EBF1: variants seen among roughly 807,000 people sequenced by gnomAD.
The protein encoded by EBF1 is transcription factor COE1.
A neutral mutation model predicts 68.4 loss-of-function variants in EBF1; 10 were observed. The ratio of observed to expected loss-of-function variants is 0.15; its 90% CI spans 0.09 to 0.25. The LOEUF (loss-of-function observed/expected upper bound fraction) is 0.25, where lower values mean the gene tolerates loss of function less well. Among genes scored for constraint, EBF1 ranks in the 10% least tolerant of loss-of-function variants. EBF1 has a pLI of 1.00. For missense variants in EBF1, 509 were observed against 794.4 expected (o/e 0.64, Z 4.32); for synonymous variants, 298 against 299.8 (o/e 0.99, Z 0.06).
intron 6 of EBF1, among the ~76,000 whole-genome samples, chr5:158,963,473 G>A (rs974587388): frequency 1.3e-5 from 2 of 152,112 alleles, no homozygotes; most frequent in African/African-American, 4.8e-5. Context: ...CATGACAAAG[G>A]CTTCTCCCTC....
Position 158,837,833 on chromosome 5 carries a change from A to G in EBF1, c.636+2196T>C, listed in dbSNP as rs182058416. On this transcript the variant is annotated intron_variant, in intron 7 of 15. Coordinates refer to ENST00000313708, the MANE Select transcript of EBF1 (RefSeq NM_024007.5). ...GAGGTACAGCAGAGTTAATCCTGGT[A>G]TACATTAGGCATTAGACATGTTTAT... Among the ~76,000 whole-genome samples, 212 of 152,308 alleles carry G rather than the reference A, an allele frequency of 1.4e-3. 1 individual carries two copies. The highest frequency in any genetic ancestry group is 4.6e-3 in the African/African-American group (193 of 41,564).
At chr5:158,987,944 G>T (rs1759432482) in intron 6 of EBF1, among the ~76,000 whole-genome samples, 1 of 152,162 alleles carries the variant, frequency 6.6e-6, no homozygotes, top group Admixed American at 6.5e-5. Context: ...ATTGGGAATG[G>T]CATCCCCCCG....
At chr5:158,900,408 G>A (rs1472837541) in intron 6 of EBF1, among the ~76,000 whole-genome samples, 1 of 152,208 alleles carries the variant, frequency 6.6e-6, no homozygotes, top group African/African-American at 2.4e-5. Context: ...AGGTAGCTCA[G>A]AAGAGGGAAA....
Position 158,698,617 on chromosome 5 carries a change from C to T in EBF1, c.*494G>A, listed in dbSNP as rs1214031909. ...TAGTTTTTCTAAAAAATCTAACTGGCATTCCTATTCTGTCCCATACAAGCT... is the reference window on the plus strand; with the variant it reads ...TAGTTTTTCTAAAAAATCTAACTGGTATTCCTATTCTGTCCCATACAAGCT... On this transcript the variant is annotated 3_prime_UTR_variant, in exon 16 of 16. Coordinates refer to ENST00000313708, the MANE Select transcript of EBF1 (RefSeq NM_024007.5). 2 of 214,282 alleles carry T rather than the reference C, an allele frequency of 9.3e-6. No individual in the cohort carries two copies. Among genetic ancestry groups the T allele is most frequent in the Non-Finnish European group, 1.9e-5 (2 of 107,086 alleles). 13.3% of individuals were successfully genotyped at this position (214,282 alleles called of 1,614,324 possible).
intron 6 of EBF1, among the ~76,000 whole-genome samples, chr5:158,922,515 CAA>C (rs1267024085): frequency 2.0e-5 from 3 of 152,130 alleles, no homozygotes; most frequent in South Asian, 2.1e-4. Flanking sequence ...TTGTGGATAA[CAA>C]AGAGAATTAA....
rs377223081 is a variant in EBF1 at position 158,713,048 on chromosome 5, C to T, written c.1291G>A (p.Ala431Thr). Residue 431 changes from alanine to threonine, a missense_variant, in exon 13 of 16, where the codon GCA becomes ACA. By Grantham distance (58) the Ala-to-Thr change is moderately conservative. This residue lies in a region of EBF1 where 205 missense variants were observed against 247.4 expected (regional missense o/e 0.83). Transcript: ENST00000313708. Reference sequence around the variant, plus strand: ...AACGAATTCACGCCCATCATCCCTGCGTGGACCGAGGTGTTAGCAAGGGCC... The same window carrying T: ...AACGAATTCACGCCCATCATCCCTGTGTGGACCGAGGTGTTAGCAAGGGCC... ...LPALANTSVH[A>T]GMMGVNSFSG... 2.6e-5 allele frequency: 41 copies of T among 1,597,976 alleles called. No homozygotes were observed. In the South Asian group the frequency reaches 2.8e-4, roughly 11 times the overall value.
chr5:158,885,187 T>C (rs1289318082), intron 6 of EBF1, among the ~76,000 whole-genome samples: 1 of 152,212 alleles, frequency 6.6e-6, no homozygotes, highest in African/African-American at 2.4e-5. Flanking sequence ...CTTATGCATC[T>C]AAAGTTCATC....
intron 6 of EBF1, among the ~76,000 whole-genome samples, chr5:159,025,595 C>G (rs750617520): frequency 6.6e-6 from 1 of 152,222 alleles, no homozygotes; most frequent in Non-Finnish European, 1.5e-5. Context: ...TTAACACCCT[C>G]CATCACTCTG....
intron 6 of EBF1, among the ~76,000 whole-genome samples, chr5:159,034,528 G>A (rs189603460): frequency 3.2e-4 from 48 of 152,288 alleles, no homozygotes; most frequent in Admixed American, 2.2e-3. Context: ...ACAGCAAATC[G>A]ATTAGTGCTC....
intron 6 of EBF1, among the ~76,000 whole-genome samples, chr5:158,860,856 C>T (rs936949461): frequency 3.9e-5 from 6 of 152,154 alleles, no homozygotes; most frequent in African/African-American, 1.2e-4. Context: ...CATCCACCTC[C>T]AGCACCCTGC....
At chr5:159,029,831 G>A (rs1272491762) in intron 6 of EBF1, among the ~76,000 whole-genome samples, 3 of 151,888 alleles carry the variant, frequency 2.0e-5, no homozygotes, top group Non-Finnish European at 4.4e-5. Context: ...GTGTGTGCCT[G>A]TAGTCCCAGC....
intron 7 of EBF1, among the ~76,000 whole-genome samples, chr5:158,838,445 CAA>C (rs11464337): frequency 1.8e-5 from 2 of 110,528 alleles, no homozygotes; most frequent in African/African-American, 3.7e-5. Context: ...GACTCCATCT[CAA>C]AAAAAAAAAA....
chr5:158,924,496 G>A (rs1346445283), intron 6 of EBF1, among the ~76,000 whole-genome samples: 1 of 152,156 alleles, frequency 6.6e-6, no homozygotes, highest in Non-Finnish European at 1.5e-5. Context: ...AGCTGAGTGA[G>A]GCAGCATCAT....
At position 158,702,433 on chromosome 5, in the gene EBF1, A is replaced by G. The variant is rs117913026; in HGVS notation, c.1745-3291T>C. Among the ~76,000 whole-genome samples, 154 of 152,286 alleles carry G rather than the reference A, an allele frequency of 1.0e-3. 2 individuals are homozygous for G. In the East Asian group the frequency reaches 0.029, roughly 29 times the overall value. Reference sequence around the variant, plus strand: ...CCATGGTGGCTCTGCCATTTTCCCCAGCAGCTGGATGATCATGTTCTCTGA... The same window carrying G: ...CCATGGTGGCTCTGCCATTTTCCCCGGCAGCTGGATGATCATGTTCTCTGA... On this transcript the variant is annotated intron_variant, in intron 15 of 15. Transcript: ENST00000313708.
At chr5:158,811,131 G>A (rs1353666829) in intron 8 of EBF1, among the ~76,000 whole-genome samples, 1 of 152,132 alleles carries the variant, frequency 6.6e-6, no homozygotes, top group Non-Finnish European at 1.5e-5. Flanking sequence ...TCAAGTTGCA[G>A]GGCTGGCACA....
chr5:158,703,246 C>T (rs1450529337), intron 15 of EBF1, among the ~76,000 whole-genome samples: 1 of 152,180 alleles, frequency 6.6e-6, no homozygotes, highest in African/African-American at 2.4e-5. Context: ...AAAACAGACA[C>T]AGTTAGGTAG....
intron 8 of EBF1, among the ~76,000 whole-genome samples, chr5:158,821,029 C>T (rs1784710434): frequency 6.6e-6 from 1 of 152,152 alleles, no homozygotes; most frequent in Admixed American, 6.5e-5. Context: ...GGCTCTCATT[C>T]CCCTTAGCAA....
chr5:158,769,201 A>G (rs2127647022), intron 10 of EBF1, among the ~76,000 whole-genome samples: 1 of 152,244 alleles, frequency 6.6e-6, no homozygotes, highest in African/African-American at 2.4e-5. Context: ...TCATATCCCT[A>G]TTACATGAAT....
At chr5:158,937,864 C>A (rs1812399726) in intron 6 of EBF1, among the ~76,000 whole-genome samples, 1 of 152,204 alleles carries the variant, frequency 6.6e-6, no homozygotes, top group African/African-American at 2.4e-5. Context: ...GAGCCTGAAG[C>A]ATTGTCCCCC....
Sources: gnomAD v4.1 joint callset for allele counts (sites outside exome capture counted in the v4.1 genomes callset) on GRCh38, gnomAD v4.1.1 for gene constraint, gnomAD v4.1.1 regional missense constraint, MANE v1.5 for transcripts, NCBI Gene and HGNC (gene_info 2026-07-23, HGNC 2026-07-21) for gene names.